Variants in ULK4 observed in about 807,000 individuals in gnomAD.
The protein encoded by ULK4 is unc-51 like kinase 4.
Under a neutral mutation model 160.6 loss-of-function variants are expected in ULK4, and 133 were observed. The ratio of observed to expected loss-of-function variants is 0.83; its 90% CI spans 0.72 to 0.96. ULK4 has a LOEUF of 0.96. Ranked by LOEUF, ULK4 falls within the 40% of genes least tolerant of loss-of-function variation. The pLI is 0.00. For synonymous variants in ULK4, 534 were observed against 539.8 expected, an observed-to-expected ratio of 0.99 and a Z score of 0.15; for missense variants, 1,580 against 1,499.5, an observed-to-expected ratio of 1.05 and a Z score of -0.89.
chr3:41,349,551 G>A (rs1455156379), intron 35 of ULK4, among the ~76,000 whole-genome samples: 2 of 152,192 alleles, frequency 1.3e-5, no homozygotes, highest in African/African-American at 4.8e-5. Flanking sequence ...GCAGACGCAT[G>A]AGAGGGGCCT....
intron 35 of ULK4, among the ~76,000 whole-genome samples, chr3:41,261,413 A>G (rs2078939487): frequency 6.6e-6 from 1 of 152,174 alleles, no homozygotes; most frequent in Non-Finnish European, 1.5e-5. Context: ...AAGCAGTGGC[A>G]CTGAGATTTA....
intron 34 of ULK4, among the ~76,000 whole-genome samples, chr3:41,415,232 T>C (rs1352628643): frequency 2.0e-5 from 3 of 152,212 alleles, no homozygotes; most frequent in Admixed American, 6.5e-5. Flanking sequence ...GTGTTAACAG[T>C]GAATGCTAGG....
intron 31 of ULK4, among the ~76,000 whole-genome samples, chr3:41,566,542 C>A (rs1344212402): frequency 6.6e-6 from 1 of 152,210 alleles, no homozygotes; most frequent in African/African-American, 2.4e-5. Flanking sequence ...ATATTTTTCC[C>A]ACTTTAGTAC....
At chr3:41,842,405 T>C (rs1356292321) in intron 17 of ULK4, among the ~76,000 whole-genome samples, 1 of 152,236 alleles carries the variant, frequency 6.6e-6, no homozygotes, top group African/African-American at 2.4e-5. Context: ...TGATATAGTT[T>C]GGATATTCAT....
At chr3:41,663,479 A>T (rs1019258390) in intron 30 of ULK4, 128 bp downstream of exon 30, 21 of 832,266 alleles carry the variant, frequency 2.5e-5, no homozygotes, top group African/African-American at 6.8e-5. Flanking sequence ...CATGAAACTT[A>T]AAAAAATGAC....
intron 31 of ULK4, among the ~76,000 whole-genome samples, chr3:41,576,886 T>C (rs1240963840): frequency 1.3e-5 from 2 of 152,184 alleles, no homozygotes; most frequent in Non-Finnish European, 2.9e-5. Flanking sequence ...TTTAATGGGA[T>C]TTTCTGTAAA....
intron 21 of ULK4, among the ~76,000 whole-genome samples, chr3:41,782,622 G>T (rs2039883912): frequency 6.6e-6 from 1 of 152,134 alleles, no homozygotes; most frequent in South Asian, 2.1e-4. Context: ...TGGCATATGT[G>T]AAAGAGTTTA....
At chr3:41,563,219 A>G (rs1204000420) in intron 32 of ULK4, among the ~76,000 whole-genome samples, 1 of 152,192 alleles carries the variant, frequency 6.6e-6, no homozygotes, top group Non-Finnish European at 1.5e-5. Flanking sequence ...GGTTTCTGCC[A>G]AAAGATCTGC....
chr3:41,911,166 G>T, intron 11 of ULK4, 151 bp downstream of exon 11: 2 of 792,218 alleles, frequency 2.5e-6, no homozygotes, highest in Non-Finnish European at 4.0e-6. Context: ...CGACCTAACT[G>T]TAACTTTGAA....
In ULK4 at chr3:41,928,809, T is replaced by G. The variant is rs181273394; in HGVS notation, c.541+3035A>C. ...ACCAGGAAGAAGTCAAATCCCTGAA[T>G]AGACCAGTAACAAGTTCTGAAATTG... On this transcript the variant is annotated intron_variant, in intron 5 of 36. Transcript: ENST00000301831. Among the ~76,000 whole-genome samples, 38 of 152,134 alleles carry G rather than the reference T, an allele frequency of 2.5e-4. No homozygotes were observed. In the East Asian group the frequency reaches 5.4e-3, roughly 22 times the overall value.
chr3:41,507,990 A>C (rs1192423719), intron 32 of ULK4, among the ~76,000 whole-genome samples: 1 of 152,168 alleles, frequency 6.6e-6, no homozygotes, highest in Non-Finnish European at 1.5e-5. Context: ...GATGCCAAAA[A>C]ACTGTGAGTT....
At chr3:41,553,159 A>C (rs1022650475) in intron 32 of ULK4, among the ~76,000 whole-genome samples, 27 of 152,246 alleles carry the variant, frequency 1.8e-4, no homozygotes, top group African/African-American at 6.0e-4. Flanking sequence ...ACTAGAAAAA[A>C]ATATAGAGAT....
intron 19 of ULK4, among the ~76,000 whole-genome samples, chr3:41,803,350 T>TA (rs1427418948): frequency 6.6e-6 from 1 of 152,098 alleles, no homozygotes; most frequent in Admixed American, 6.6e-5. Flanking sequence ...TTCAGGGCCG[T>TA]AAAAAATATC....
At chr3:41,287,749 C>T (rs1380750073) in intron 35 of ULK4, among the ~76,000 whole-genome samples, 4 of 152,192 alleles carry the variant, frequency 2.6e-5, no homozygotes. Context: ...AAACTTCACA[C>T]CCTCCTAGCA....
chr3:41,602,371 A>G lies in ULK4; in HGVS notation c.3120+13298T>C, dbSNP rs559116249. Among the ~76,000 whole-genome samples the G allele has an allele frequency of 1.1e-4, 17 of 150,630 alleles. No homozygotes were observed. In the East Asian group the frequency reaches 2.0e-3, roughly 17 times the overall value. On this transcript the variant is annotated intron_variant, in intron 31 of 36. Coordinates refer to ENST00000301831, the MANE Select transcript of ULK4 (RefSeq NM_017886.4). ...GGAAAGGAAAGGAAAGGAGGAAGGG[A>G]AAAAGGAAGGGAAGGAGAATTGGAA...
At chr3:41,893,029 G>A (rs1698022598) in intron 16 of ULK4, among the ~76,000 whole-genome samples, 1 of 152,180 alleles carries the variant, frequency 6.6e-6, no homozygotes, top group Non-Finnish European at 1.5e-5. Flanking sequence ...TGTGCTGTGA[G>A]CAACAGGACT....
chr3:41,330,357 C>T (rs928969937), intron 35 of ULK4, among the ~76,000 whole-genome samples: 2 of 152,180 alleles, frequency 1.3e-5, no homozygotes, highest in South Asian at 2.1e-4. Flanking sequence ...TTTTCCAAGG[C>T]TGGCCACTAC....
At chr3:41,813,812 C>T (rs553627434) in intron 19 of ULK4, among the ~76,000 whole-genome samples, 10 of 152,292 alleles carry the variant, frequency 6.6e-5, no homozygotes, top group South Asian at 6.2e-4. Context: ...AGGTGGGCAA[C>T]GTGTGTGGAA....
chr3:41,746,272 C>CAAAAAAAAAAAAAAAAAAAAAAAA (rs34582395), intron 22 of ULK4, among the ~76,000 whole-genome samples: 6 of 45,718 alleles, frequency 1.3e-4, no homozygotes, highest in African/African-American at 5.3e-4. Flanking sequence ...CTGGAACCCA[C>CAAAAAAAAAAAAAAAAAAAAAAAA]AAAAAAAAAA....
Sources: allele counts gnomAD v4.1 joint callset (sites outside exome capture counted in the v4.1 genomes callset), GRCh38; gene constraint gnomAD v4.1.1; transcripts MANE v1.5; gene names NCBI Gene and HGNC (gene_info 2026-07-23, HGNC 2026-07-21).